ARHGAP29: variants seen among roughly 807,000 people sequenced by gnomAD.
ARHGAP29 encodes the protein rho GTPase-activating protein 29.
Under a neutral mutation model 122.6 loss-of-function variants are expected in ARHGAP29, and 43 were observed. That is an observed-to-expected ratio of 0.35 (90% confidence interval 0.27 to 0.45). ARHGAP29 has a LOEUF of 0.45. Among genes scored for constraint, ARHGAP29 ranks in the 20% least tolerant of loss-of-function variants. The pLI is 1.00. For synonymous variants in ARHGAP29, 506 were observed against 497.1 expected, an observed-to-expected ratio of 1.02 and a Z score of -0.24; for missense variants, 1,303 against 1,477.2, an observed-to-expected ratio of 0.88 and a Z score of 1.93.
chr1:94,235,583 C>G (rs1440322750), intron 1 of ARHGAP29, among the ~76,000 whole-genome samples: 2 of 152,170 alleles, frequency 1.3e-5, no homozygotes, highest in East Asian at 3.8e-4. Context: ...ATTGTAGAAA[C>G]TTAACTGACT....
At chr1:94,184,764 CAAAACAAA>C (rs1484587485) in intron 18 of ARHGAP29, 100 bp downstream of exon 18, 7 of 965,548 alleles carry the variant, frequency 7.2e-6, no homozygotes, top group Non-Finnish European at 1.0e-5. Context: ...AGAAACAGAA[CAAAACAAA>C]AAAAACCCCT....
chr1:94,185,085 C>T (rs1287535491), intron 17 of ARHGAP29, 25 bp from the exon 18 acceptor site: 3 of 1,586,864 alleles, frequency 1.9e-6, no homozygotes, highest in South Asian at 2.3e-5. Context: ...TAGTTTGAAA[C>T]TGGTTAACCT....
intron 19 of ARHGAP29, among the ~76,000 whole-genome samples, chr1:94,181,032 C>A (rs1222885551): frequency 5.3e-5 from 8 of 151,982 alleles, no homozygotes; most frequent in Non-Finnish European, 7.4e-5. Flanking sequence ...ACAATTATAC[C>A]CAATTTCTTT....
In ARHGAP29 at chr1:94,231,579, T is replaced by C. The variant is rs1652922028; in HGVS notation, c.33A>G (p.Lys11=). Residue 11 remains lysine, a synonymous_variant, in exon 2 of 23, where the codon AAA becomes AAG. Coordinates refer to ENST00000260526, the MANE Select transcript of ARHGAP29 (RefSeq NM_004815.4). ...GTTGACCTGATGCCCAAGCACGTTT[T>C]TTCTTTGTCTTTTTCTGTTTGTGAG... MIAHKQKKTK[K]KRAWASGQLS... is the part of the protein sequence containing the mutation. The C allele has an allele frequency of 1.9e-6, 3 of 1,613,532 alleles. No individual in the cohort carries two copies. The highest frequency in any genetic ancestry group is 1.1e-5 in the South Asian group (1 of 91,012).
chr1:94,186,734 T>A, intron 15 of ARHGAP29, 137 bp from the exon 16 acceptor site: 1 of 629,652 alleles, frequency 1.6e-6, no homozygotes, highest in Non-Finnish European at 2.7e-6. Context: ...ATTCTCATAC[T>A]CTGGGTAACA....
the ARHGAP29 span, among the ~76,000 whole-genome samples, chr1:94,304,958 A>G: frequency 1.3e-5 from 2 of 152,266 alleles, no homozygotes; most frequent in East Asian, 1.9e-4. Context: ...CTTGCTGATT[A>G]CATTCTGAGA....
chr1:94,258,449 G>A (rs1654443481), intron 1 of ARHGAP29, among the ~76,000 whole-genome samples: 1 of 152,224 alleles, frequency 6.6e-6, no homozygotes, highest in African/African-American at 2.4e-5. Context: ...TCTGGCCTGA[G>A]AGCTGCCAGT....
chr1:94,183,176 TAC>T (rs1370688552), intron 19 of ARHGAP29, among the ~76,000 whole-genome samples: 1 of 148,462 alleles, frequency 6.7e-6, no homozygotes, highest in Admixed American at 7.0e-5. Flanking sequence ...TATAAATATG[TAC>T]AGTTATTATA....
chr1:94,202,717 C>A lies in ARHGAP29; in HGVS notation c.970G>T (p.Ala324Ser). 1 of 1,613,444 alleles carries A rather than the reference C, an allele frequency of 6.2e-7. No individual in the cohort carries two copies. Among genetic ancestry groups the A allele is most frequent in the South Asian group, 1.1e-5 (1 of 90,816 alleles). Reference protein sequence around the residue: ...EQNKMLEAENALKKAKLLCMQ... With the variant: ...EQNKMLEAENSLKKAKLLCMQ... ...CATAATAATTTTGCCTTTTTGAGAG[C>A]ATTCTCTGCTTCAAGCTACACCGAA... Residue 324 changes from alanine (A) to serine (S), a missense_variant, in exon 11 of 23, where the codon GCT (alanine) becomes TCT (serine). Around this residue, in one of 3 missense-constraint regions of ARHGAP29, gnomAD observed 592 missense variants for 648.2 expected, o/e 0.91. Transcript: ENST00000260526.
In ARHGAP29 at chr1:94,190,004, G is replaced by A. The variant is rs1256345812; in HGVS notation, c.1361C>T (p.Ala454Val). The change falls in exon 13 of 23, where the codon GCC (alanine) becomes GTC (valine). Residue 454 changes from alanine (A) to valine (V), a missense_variant. Physicochemically the swap from Ala to Val is moderately conservative, Grantham distance 64 (BLOSUM62 0). Transcript: ENST00000260526. ...ADSLQSLCDSAKLYDPGQEYS... is the reference protein window; with the variant it reads ...ADSLQSLCDSVKLYDPGQEYS... ...CTCTTGGCCTGGGTCATAGAGTTTG[G>A]CACTATCACAGAGAGACTGTAAACT... 1 of 1,613,354 alleles carries A rather than the reference G, an allele frequency of 6.2e-7. No individual in the cohort carries two copies. Among genetic ancestry groups the A allele is most frequent in the African/African-American group, 1.3e-5 (1 of 74,872 alleles).
At chr1:94,208,529 G>A (rs1651365198) in intron 5 of ARHGAP29, among the ~76,000 whole-genome samples, 1 of 150,124 alleles carries the variant, frequency 6.7e-6, no homozygotes, top group Non-Finnish European at 1.5e-5. Flanking sequence ...GTGTGATCTC[G>A]GCTCACTGCA....
intron 1 of ARHGAP29, among the ~76,000 whole-genome samples, chr1:94,263,098 A>G (rs866789557): frequency 3.3e-5 from 5 of 152,216 alleles, no homozygotes; most frequent in South Asian, 2.1e-4. Flanking sequence ...TTGCAGGAAC[A>G]TGGATGGAGC....
In ARHGAP29 at chr1:94,174,717, C is replaced by G; in HGVS notation, c.2938G>C (p.Glu980Gln). The G allele has an allele frequency of 2.5e-6, 4 of 1,614,056 alleles. No individual in the cohort carries two copies. Among genetic ancestry groups the G allele is most frequent in the Non-Finnish European group, 3.4e-6 (4 of 1,180,008 alleles). Residue 980 changes from glutamate (E) to glutamine (Q), a missense_variant, in exon 23 of 23, where the codon GAA (glutamate) becomes CAA (glutamine). Around this residue, in one of 3 missense-constraint regions of ARHGAP29, gnomAD observed 620 missense variants for 651.2 expected, o/e 0.95. Transcript: ENST00000260526. ...TCTTCTATCTTTTGGGATGCTGATTCAGCCTCTTGGTCTAGAAGCAACTGT... is the reference window on the plus strand; with the variant it reads ...TCTTCTATCTTTTGGGATGCTGATTGAGCCTCTTGGTCTAGAAGCAACTGT... ...KAQLLLDQEAESASQKIEDGK... is the reference protein window; with the variant it reads ...KAQLLLDQEAQSASQKIEDGK...
intron 2 of ARHGAP29, among the ~76,000 whole-genome samples, chr1:94,226,317 C>A (rs1319009146): frequency 6.6e-6 from 1 of 151,940 alleles, no homozygotes; most frequent in East Asian, 1.9e-4. Flanking sequence ...ATAATAACAA[C>A]TGACATTTGA....
At position 94,228,860 on chromosome 1, in the gene ARHGAP29, G is replaced by GTAT. The variant is rs199924773; in HGVS notation, c.205+2546_205+2547insATA. ...TGACTGCACATTAGTGCTTCAGTTA[G>GTAT]TAATAAAGGTATTAACAGATAAAAG... is the stretch of plus-strand genomic sequence containing the variant. On this transcript the variant is annotated intron_variant, in intron 2 of 22. Coordinates refer to ENST00000260526, the MANE Select transcript of ARHGAP29 (RefSeq NM_004815.4). Among the ~76,000 whole-genome samples the GTAT allele has an allele frequency of 6.4e-3, 970 of 151,936 alleles. 3 individuals carry two copies. Among genetic ancestry groups the GTAT allele is most frequent in the Non-Finnish European group, 0.01 (701 of 67,706 alleles).
intron 5 of ARHGAP29, among the ~76,000 whole-genome samples, chr1:94,207,690 C>T (rs1298463424): frequency 6.6e-6 from 1 of 152,088 alleles, no homozygotes; most frequent in Non-Finnish European, 1.5e-5. Context: ...CAATAGATGG[C>T]TTCAGTAACG....
intron 2 of ARHGAP29, among the ~76,000 whole-genome samples, chr1:94,228,628 G>A (rs1167131061): frequency 2.6e-5 from 4 of 151,668 alleles, no homozygotes; most frequent in East Asian, 3.9e-4. Context: ...TCTGTGAAAC[G>A]GAGCTAAAGG....
In ARHGAP29 at chr1:94,184,241, A is replaced by G. The variant is rs1381597479; in HGVS notation, c.2157T>C (p.Cys719=). ...CGNKIKTEKL[C]QALENGMHLV... is the part of the protein sequence containing the mutation. ...AGTGCATTCCATTTTCCAAAGCTTG[A>G]CACAATTTTTCAGTTTTTATTTTGT... Residue 719 remains cysteine (C), a synonymous_variant, in exon 19 of 23, where the codon TGT becomes TGC. Transcript: ENST00000260526. 2 of 1,612,402 alleles carry G rather than the reference A, an allele frequency of 1.2e-6. No individual in the cohort carries two copies. The highest frequency in any genetic ancestry group is 8.5e-7 in the Non-Finnish European group (1 of 1,179,406).
chr1:94,202,393 G>T, intron 11 of ARHGAP29, 151 bp downstream of exon 11: 1 of 853,834 alleles, frequency 1.2e-6, no homozygotes, highest in South Asian at 1.8e-5. Flanking sequence ...AAAAAATGTT[G>T]ACCTACTGAA....
Sources: gnomAD v4.1 joint callset for allele counts (sites outside exome capture counted in the v4.1 genomes callset) on GRCh38, gnomAD v4.1.1 for gene constraint, gnomAD v4.1.1 regional missense constraint, MANE v1.5 for transcripts, NCBI Gene and HGNC (gene_info 2026-07-23, HGNC 2026-07-21) for gene names.